Variants in N4BP2 observed in about 807,000 individuals in gnomAD.
N4BP2 encodes NEDD4 binding protein 2.
N4BP2 carries 91 observed loss-of-function variants against 152.8 expected under a neutral mutation model. The observed-to-expected ratio is 0.60, with a 90% CI of 0.50 to 0.71. N4BP2 has a LOEUF of 0.71. Among genes scored for constraint, N4BP2 ranks in the 30% least tolerant of loss-of-function variants. The pLI, the probability that N4BP2 is intolerant of heterozygous loss-of-function variation, is 0.00. For missense variants in N4BP2, 1,923 were observed against 2,059.1 expected (o/e 0.93, Z 1.28); for synonymous variants, 646 against 705.3 (o/e 0.92, Z 1.33).
At chr4:40,064,039 C>T (rs576610619) in intron 1 of N4BP2, among the ~76,000 whole-genome samples, 1 of 152,070 alleles carries the variant, frequency 6.6e-6, no homozygotes, top group African/African-American at 2.4e-5. Context: ...CTCAAGTGAT[C>T]CTCCTGCTTC....
At chr4:40,117,258 A>G (rs1037914822) in intron 7 of N4BP2, among the ~76,000 whole-genome samples, 2 of 152,128 alleles carry the variant, frequency 1.3e-5, no homozygotes, top group African/African-American at 4.8e-5. Context: ...CCTCTCTTTC[A>G]TATTTTCTAT....
intron 1 of N4BP2, among the ~76,000 whole-genome samples, chr4:40,072,533 C>T (rs971702183): frequency 6.6e-6 from 1 of 151,678 alleles, no homozygotes; most frequent in Non-Finnish European, 1.5e-5. Context: ...CGTGAGCCAC[C>T]GCGCTCGGCC....
In N4BP2 at chr4:40,142,800, G is replaced by C; in HGVS notation, c.4913G>C (p.Ser1638Thr). Residue 1638 changes from serine (S) to threonine (T), a missense_variant, in exon 15 of 18, where the codon AGC (serine) becomes ACC (threonine). By Grantham distance (58) the Ser-to-Thr change is moderately conservative (BLOSUM62 1). Coordinates refer to ENST00000261435, the MANE Select transcript of N4BP2 (RefSeq NM_018177.6). ...CAACAGAAGAGGATGGAGTGCTACA[G>C]CAAGGCCAAAGAAGCTTATCGGATA... ...LHQQKRMECYSKAKEAYRIGK... is the reference protein window; with the variant it reads ...LHQQKRMECYTKAKEAYRIGK... 2 of 1,614,118 alleles carry C rather than the reference G, an allele frequency of 1.2e-6. No individual in the cohort carries two copies. Among genetic ancestry groups the C allele is most frequent in the Non-Finnish European group, 1.7e-6 (2 of 1,180,028 alleles).
chr4:40,063,693 G>C (rs963625824), intron 1 of N4BP2, among the ~76,000 whole-genome samples: 2 of 151,954 alleles, frequency 1.3e-5, no homozygotes, highest in African/African-American at 4.8e-5. Context: ...GCCCAGGCTG[G>C]AGTGCAATGG....
intron 1 of N4BP2, among the ~76,000 whole-genome samples, chr4:40,062,844 C>T (rs764722749): frequency 6.6e-6 from 1 of 152,152 alleles, no homozygotes; most frequent in East Asian, 1.9e-4. Flanking sequence ...AGAAAGCCCT[C>T]GGATACTTCA....
intron 3 of N4BP2, among the ~76,000 whole-genome samples, chr4:40,097,879 C>T (rs1347483438): frequency 6.6e-6 from 1 of 152,122 alleles, no homozygotes; most frequent in East Asian, 1.9e-4. Flanking sequence ...CTACATAATC[C>T]TTTATTTTGA....
chr4:40,118,873 G>A (rs1183652777), intron 8 of N4BP2, among the ~76,000 whole-genome samples: 2 of 152,128 alleles, frequency 1.3e-5, no homozygotes, highest in African/African-American at 2.4e-5. Flanking sequence ...AATAAAAACA[G>A]CATTAACTGA....
rs200501367 is a variant in N4BP2, at chr4:40,114,926, GT to G, written c.1664+1420del. On this transcript the variant is annotated intron_variant, in intron 7 of 17. Transcript: ENST00000261435. ...TATTTACACATCTACTGTGTTAGCA[GT>G]TAAGTTCCCTCCTGCAATCTTAGTA... Among the ~76,000 whole-genome samples the G allele has an allele frequency of 5.4e-3, 824 of 152,260 alleles. 9 individuals are homozygous for G. The highest frequency in any genetic ancestry group is 0.019 in the African/African-American group (796 of 41,554).
intron 3 of N4BP2, chr4:40,099,993 C>T: frequency 2.2e-6 from 1 of 445,830 alleles, no homozygotes. Context: ...TTGGTCTCTG[C>T]CAGGCTTGCC....
chr4:40,090,563 A>G (rs930781853), intron 2 of N4BP2, among the ~76,000 whole-genome samples: 1 of 152,226 alleles, frequency 6.6e-6, no homozygotes, highest in African/African-American at 2.4e-5. Flanking sequence ...GTCCTTGAAC[A>G]ACATACTTTC....
chr4:40,131,758 T>TA (rs779572056), intron 12 of N4BP2, 43 bp from the exon 13 acceptor site: 4 of 1,423,210 alleles, frequency 2.8e-6, no homozygotes, highest in Non-Finnish European at 4.0e-6. Context: ...TTTCTAGTAT[T>TA]ACACATTTCA....
chr4:40,064,017 C>G (rs1038222109), intron 1 of N4BP2, among the ~76,000 whole-genome samples: 5 of 151,672 alleles, frequency 3.3e-5, no homozygotes, highest in Non-Finnish European at 7.4e-5. Context: ...AGGCTGGTCT[C>G]GAACTCCTGA....
downstream of N4BP2, among the ~76,000 whole-genome samples, chr4:40,161,448 C>T (rs994220392): frequency 6.6e-6 from 1 of 152,182 alleles, no homozygotes; most frequent in African/African-American, 2.4e-5. Flanking sequence ...ACAAAAGAGG[C>T]TTATACCAGT....
the N4BP2 span, among the ~76,000 whole-genome samples, chr4:40,189,148 C>CACAAAACAAAACAAAACAAAACAAA: frequency 4.1e-4 from 61 of 149,214 alleles, no homozygotes; most frequent in African/African-American, 1.2e-3. This position sits in a 1 kb window ranked among gnomAD's most constrained non-coding sequence, Gnocchi z 4.3. Context: ...CTGTCTCAAA[C>CACAAAACAAAACAAAACAAAACAAA]ACAAAACAAA....
At chr4:40,072,065 T>C (rs1381382775) in intron 1 of N4BP2, among the ~76,000 whole-genome samples, 1 of 151,248 alleles carries the variant, frequency 6.6e-6, no homozygotes, top group African/African-American at 2.4e-5. Flanking sequence ...TTTGCCACTA[T>C]GCCTGGCTAA....
rs556094081 is a variant in N4BP2, at chr4:40,123,777, G to T, written c.4285-383G>T. The stretch of plus-strand genomic sequence containing the variant: ...TGGGATTATAGGCATGAGCCACTGT[G>T]CCTGACCTGTTTTTTTTTTAAGAAA... On this transcript the variant is annotated intron_variant, in intron 10 of 17. Transcript: ENST00000261435. Among the ~76,000 whole-genome samples, 20 of 151,918 alleles carry T rather than the reference G, an allele frequency of 1.3e-4. No individual in the cohort carries two copies. In the South Asian group the frequency reaches 4.2e-3, roughly 32 times the overall value.
At chr4:40,097,622 A>G in intron 3 of N4BP2, 53 bp downstream of exon 3, 1 of 1,025,284 alleles carries the variant, frequency 9.8e-7, no homozygotes, top group Non-Finnish European at 1.5e-6. Flanking sequence ...GACTTTGTGT[A>G]CTATGCCATG....
chr4:40,085,244 A>G (rs1025627431), intron 2 of N4BP2, among the ~76,000 whole-genome samples: 3 of 150,634 alleles, frequency 2.0e-5, no homozygotes, highest in Admixed American at 6.6e-5. Context: ...GGGTTTGGCC[A>G]TGTTGACCAG....
chr4:40,187,091 A>G, the N4BP2 span, among the ~76,000 whole-genome samples: 5 of 152,270 alleles, frequency 3.3e-5, no homozygotes, highest in African/African-American at 1.2e-4. Context: ...TACTACCAAG[A>G]CAAGAAATTA....
Sources: gnomAD v4.1 joint callset for allele counts (sites outside exome capture counted in the v4.1 genomes callset) on GRCh38, gnomAD v4.1.1 for gene constraint, Gnocchi (gnomAD v3.1) non-coding constraint, MANE v1.5 for transcripts, NCBI Gene and HGNC (gene_info 2026-07-23, HGNC 2026-07-21) for gene names.